Variants in LHX8 observed in about 807,000 individuals in gnomAD.
The protein encoded by LHX8 is LIM homeobox 8.
In LHX8, 12 loss-of-function variants were observed where a neutral mutation model predicts 40.3. That is an observed-to-expected ratio of 0.30 (90% CI 0.19 to 0.48). LHX8 has a LOEUF of 0.48. LHX8 is among the 20% of genes least tolerant of loss of function. The probability of loss-of-function intolerance (pLI) is 0.99; values close to 1 mark genes in which losing one functional copy is unlikely to be tolerated. For synonymous variants in LHX8, 179 were observed against 162.0 expected (o/e 1.10, Z -0.80); for missense variants, 344 against 433.7 (o/e 0.79, Z 1.84).
At chr1:75,149,934 G>GAGA (rs1247765969) in intron 7 of LHX8, among the ~76,000 whole-genome samples, 2 of 152,196 alleles carry the variant, frequency 1.3e-5, no homozygotes, top group African/African-American at 4.8e-5. Context: ...TGGGGAAGCA[G>GAGA]AGAGGAGTCA....
At chr1:75,143,080 A>G in intron 4 of LHX8, 38 bp from the exon 5 acceptor site, 1 of 1,521,886 alleles carries the variant, frequency 6.6e-7, no homozygotes, top group Non-Finnish European at 9.1e-7. Flanking sequence ...CTCACCAGGC[A>G]TTAAAATATT....
At chr1:75,169,774 C>T in the LHX8 span, among the ~76,000 whole-genome samples, 2 of 152,168 alleles carry the variant, frequency 1.3e-5, no homozygotes, top group African/African-American at 2.4e-5. Flanking sequence ...AATTTATTCC[C>T]CAGAAGCCTG....
At chr1:75,144,309 A>T (rs1648402843) in intron 6 of LHX8, among the ~76,000 whole-genome samples, 1 of 152,170 alleles carries the variant, frequency 6.6e-6, no homozygotes, top group South Asian at 2.1e-4. Flanking sequence ...GAGACTCTGA[A>T]GAGAGACATA....
At chr1:75,136,531 A>AG in intron 1 of LHX8, 72 bp from the exon 2 acceptor site, 1 of 1,142,228 alleles carries the variant, frequency 8.8e-7, no homozygotes, top group Non-Finnish European at 1.3e-6. Flanking sequence ...CCCCGCGCCG[A>AG]GGCTGGGGCG....
At chr1:75,149,949 G>T (rs910249353) in intron 7 of LHX8, among the ~76,000 whole-genome samples, 1 of 152,186 alleles carries the variant, frequency 6.6e-6, no homozygotes, top group Non-Finnish European at 1.5e-5. Context: ...GAGTCAAAGA[G>T]TAAATGACTC....
Position 75,157,096 on chromosome 1 carries a change from A to G in LHX8, c.964+20A>G, listed in dbSNP as rs1557495245. Reference sequence around the variant, plus strand: ...TGGATGGTAGGTATCCCAACATTTAACAGCTGTCTCCCAGGCAATCAGCAA... The same window carrying G: ...TGGATGGTAGGTATCCCAACATTTAGCAGCTGTCTCCCAGGCAATCAGCAA... On this transcript the variant is annotated intron_variant, in intron 8 of 8. Coordinates refer to ENST00000356261, the MANE Select transcript of LHX8 (RefSeq NM_001256114.2). 6.2e-7 allele frequency: 1 copy of G among 1,612,808 alleles called. No homozygotes were observed. Among genetic ancestry groups the G allele is most frequent in the South Asian group, 1.1e-5 (1 of 91,040 alleles).
At chr1:75,171,521 C>G in the LHX8 span, among the ~76,000 whole-genome samples, 2 of 151,986 alleles carry the variant, frequency 1.3e-5, no homozygotes, top group Non-Finnish European at 2.9e-5. Flanking sequence ...CCAATATACT[C>G]GGTGTTGCAG....
the LHX8 span, among the ~76,000 whole-genome samples, chr1:75,192,150 G>C: frequency 6.6e-6 from 1 of 152,130 alleles, no homozygotes; most frequent in African/African-American, 2.4e-5. Flanking sequence ...AAGACATCTG[G>C]AACAGTGAGT....
At chr1:75,147,755 C>G (rs998029739) in intron 6 of LHX8, among the ~76,000 whole-genome samples, 1 of 152,182 alleles carries the variant, frequency 6.6e-6, no homozygotes, top group Admixed American at 6.5e-5. Context: ...AAGTATCTCA[C>G]TTAATTCTCA....
chr1:75,144,622 C>A (rs989959310), intron 6 of LHX8, among the ~76,000 whole-genome samples: 6 of 152,030 alleles, frequency 3.9e-5, no homozygotes, highest in African/African-American at 1.4e-4. Flanking sequence ...TACAAATTAT[C>A]AAAATAATTA....
rs1435036277 is a variant in LHX8, at chr1:75,161,083, T to TA, written c.*192dup. The TA allele has an allele frequency of 3.4e-6, 2 of 579,776 alleles. No individual in the cohort carries two copies. The highest frequency in any genetic ancestry group is 6.1e-6 in the Non-Finnish European group (2 of 326,416). The allele number at this position is 579,776 out of a possible 1,614,324, so 35.9% of individuals were successfully genotyped here. A position where few individuals can be genotyped will look rare whatever the true frequency, so the allele number is the denominator to read the frequency against. ...ACTTTTATTAATTCTTCATTTTTTG[T>TA]AAAACTTATGTTTACAAGAAGAAAA... is the stretch of plus-strand genomic sequence containing the variant. On this transcript the variant is annotated 3_prime_UTR_variant, in exon 9 of 9. Transcript: ENST00000356261.
chr1:75,156,425 A>G (rs1648769518), intron 7 of LHX8, among the ~76,000 whole-genome samples: 1 of 152,040 alleles, frequency 6.6e-6, no homozygotes, highest in Admixed American at 6.6e-5. Flanking sequence ...TATTTTTAGT[A>G]GAGACGGGGT....
At chr1:75,136,524 C>T (rs1648136130) in intron 1 of LHX8, 79 bp from the exon 2 acceptor site, 1 of 1,102,802 alleles carries the variant, frequency 9.1e-7, no homozygotes, top group Non-Finnish European at 1.3e-6. Context: ...GCTCGCTCCC[C>T]GCGCCGAGGC....
At chr1:75,143,993 C>CA (rs769514236) in intron 6 of LHX8, 45 bp downstream of exon 6, 20 of 1,467,266 alleles carry the variant, frequency 1.4e-5, no homozygotes, top group East Asian at 1.1e-4. Context: ...CCCTCCCAAC[C>CA]AAAAAAACAA....
At chr1:75,134,215 T>C (rs1648053397), upstream of LHX8, among the ~76,000 whole-genome samples, 1 of 152,034 alleles carries the variant, frequency 6.6e-6, no homozygotes, top group Non-Finnish European at 1.5e-5. Flanking sequence ...TCAGTTGGCG[T>C]GTTCTGATAA....
At chr1:75,129,931 G>A (rs1454090272), upstream of LHX8, 3 of 152,130 alleles carry the variant, frequency 2.0e-5, no homozygotes, top group East Asian at 1.9e-4. Flanking sequence ...GGCCACCTTG[G>A]ATTTCGGCTT....
At chr1:75,152,644 G>A (rs1648640650) in intron 7 of LHX8, among the ~76,000 whole-genome samples, 1 of 152,142 alleles carries the variant, frequency 6.6e-6, no homozygotes, top group Admixed American at 6.5e-5. Flanking sequence ...TAAATTTCTG[G>A]AAGGGAGATT....
chr1:75,193,772 G>A, the LHX8 span, among the ~76,000 whole-genome samples: 1 of 152,052 alleles, frequency 6.6e-6, no homozygotes, highest in Non-Finnish European at 1.5e-5. Flanking sequence ...GCCTTGTTGG[G>A]CTCAATTCTT....
chr1:75,160,103 A>G (rs892972470), intron 8 of LHX8: 2 of 152,120 alleles, frequency 1.3e-5, no homozygotes, highest in South Asian at 2.1e-4. Context: ...TTAAATTGTC[A>G]CTATCCTTGC....
Sources: gnomAD v4.1 joint callset for allele counts (sites outside exome capture counted in the v4.1 genomes callset) on GRCh38, gnomAD v4.1.1 for gene constraint, MANE v1.5 for transcripts, NCBI Gene and HGNC (gene_info 2026-07-23, HGNC 2026-07-21) for gene names.